Variants in CCPG1 observed in about 807,000 individuals in gnomAD.
CCPG1 encodes cell cycle progression 1, also known as cell cycle progression protein 1.
CCPG1 carries 46 observed loss-of-function variants against 81.3 expected under a neutral mutation model. The ratio of observed to expected loss-of-function variants is 0.57; its 90% CI spans 0.45 to 0.72. The LOEUF (loss-of-function observed/expected upper bound fraction) is 0.72, where lower values mean the gene tolerates loss of function less well. Among genes scored for constraint, CCPG1 ranks in the 30% least tolerant of loss-of-function variants. CCPG1 has a pLI of 0.00. For missense variants in CCPG1, 902 were observed against 937.6 expected (o/e 0.96, Z 0.50); for synonymous variants, 330 against 305.2 (o/e 1.08, Z -0.85).
intron 1 of CCPG1, among the ~76,000 whole-genome samples, chr15:55,402,979 A>G (rs2057154661): frequency 6.6e-6 from 1 of 152,214 alleles, no homozygotes; most frequent in Non-Finnish European, 1.5e-5. Flanking sequence ...TTCAGTCTGG[A>G]AAAAGCCACC....
chr15:55,404,284 G>A (rs942959517), intron 1 of CCPG1, among the ~76,000 whole-genome samples: 1 of 152,102 alleles, frequency 6.6e-6, no homozygotes, highest in Non-Finnish European at 1.5e-5. Context: ...TTTATCCAGT[G>A]TTAATGGACA....
At chr15:55,386,613 G>C (rs549671107) in intron 2 of CCPG1, among the ~76,000 whole-genome samples, 1 of 152,238 alleles carries the variant, frequency 6.6e-6, no homozygotes, top group East Asian at 1.9e-4. Context: ...GAAAAAAGTA[G>C]GGCCGGGGCA....
intron 1 of CCPG1, among the ~76,000 whole-genome samples, chr15:55,389,842 G>A (rs2056879222): frequency 6.6e-6 from 1 of 152,220 alleles, no homozygotes; most frequent in Non-Finnish European, 1.5e-5. Context: ...GAAGCACAGG[G>A]AAACTGAAAA....
chr15:55,369,845 G>A (rs1266860601), intron 6 of CCPG1, among the ~76,000 whole-genome samples: 1 of 152,030 alleles, frequency 6.6e-6, no homozygotes, highest in Admixed American at 6.6e-5. Context: ...AAGTTTTAAT[G>A]CAATTTGGAT....
chr15:55,386,444 C>T (rs185787259), intron 2 of CCPG1, among the ~76,000 whole-genome samples: 1 of 152,130 alleles, frequency 6.6e-6, no homozygotes, highest in Admixed American at 6.6e-5. Flanking sequence ...GCGGATCATA[C>T]AATTTTTCTT....
intron 1 of CCPG1, 45 bp from the exon 2 acceptor site, chr15:55,389,478 A>T: frequency 1.5e-6 from 2 of 1,356,598 alleles, no homozygotes; most frequent in South Asian, 1.2e-5. Context: ...CATTTTTTTT[A>T]ATTCTATAGG....
At chr15:55,362,650 A>G in intron 7 of CCPG1, among the ~76,000 whole-genome samples, 1 of 152,208 alleles carries the variant, frequency 6.6e-6, no homozygotes, top group Non-Finnish European at 1.5e-5. Flanking sequence ...TATGATGTTG[A>G]CATAAGTGAT....
chr15:55,379,594 G>T (rs982869402), intron 3 of CCPG1, among the ~76,000 whole-genome samples: 4 of 152,010 alleles, frequency 2.6e-5, no homozygotes, highest in Admixed American at 2.6e-4. Flanking sequence ...GACTTTGGTA[G>T]GCCAATGTGT....
At chr15:55,361,399 T>C (rs2056192005) in intron 7 of CCPG1, among the ~76,000 whole-genome samples, 2 of 151,542 alleles carry the variant, frequency 1.3e-5, no homozygotes, top group African/African-American at 4.9e-5. Context: ...GGAAAAGAGA[T>C]TACCTTTTAT....
intron 8 of CCPG1, chr15:55,358,909 T>C (rs1184106210): frequency 1.0e-6 from 1 of 961,794 alleles, no homozygotes; most frequent in Non-Finnish European, 1.2e-6. Context: ...AAGCTAACAT[T>C]TGAAGATTAG....
intron 5 of CCPG1, 136 bp from the exon 6 acceptor site, chr15:55,372,180 A>T: frequency 1.3e-6 from 1 of 776,886 alleles, no homozygotes. Context: ...ACCAAACAAC[A>T]TAAACAAAAA....
intron 1 of CCPG1, 90 bp from the exon 2 acceptor site, chr15:55,389,523 T>C (rs890788127): frequency 5.8e-6 from 5 of 859,778 alleles, no homozygotes; most frequent in Non-Finnish European, 5.8e-6. Context: ...TGAAAAGTGG[T>C]TTACTGTCTT....
At chr15:55,368,011 C>A (rs1209654517) in intron 6 of CCPG1, among the ~76,000 whole-genome samples, 2 of 152,052 alleles carry the variant, frequency 1.3e-5, no homozygotes, top group Non-Finnish European at 2.9e-5. Flanking sequence ...TCAAACTTTC[C>A]TATCTAGATT....
chr15:55,380,916 C>A (rs1449615159), intron 3 of CCPG1, among the ~76,000 whole-genome samples: 1 of 151,066 alleles, frequency 6.6e-6, no homozygotes, highest in African/African-American at 2.4e-5. Context: ...GGCGGACAGA[C>A]CACGAGGTCA....
chr15:55,369,331 T>C (rs1393955542), intron 6 of CCPG1, among the ~76,000 whole-genome samples: 1 of 151,874 alleles, frequency 6.6e-6, no homozygotes, highest in Non-Finnish European at 1.5e-5. Context: ...AGGTCAGGAG[T>C]TCGAGACCAG....
intron 1 of CCPG1, among the ~76,000 whole-genome samples, chr15:55,392,976 C>T (rs1457411499): frequency 6.6e-6 from 1 of 152,120 alleles, no homozygotes; most frequent in Non-Finnish European, 1.5e-5. Context: ...TGGTGGCAAG[C>T]ACCTGTAATC....
At chr15:55,378,600 T>C (rs868461512) in intron 3 of CCPG1, among the ~76,000 whole-genome samples, 1 of 144,270 alleles carries the variant, frequency 6.9e-6, no homozygotes, top group Non-Finnish European at 1.6e-5. Flanking sequence ...AATGCAATCA[T>C]TTAAGATTTT....
intron 2 of CCPG1, among the ~76,000 whole-genome samples, chr15:55,387,460 A>G (rs1054563052): frequency 6.6e-6 from 1 of 152,236 alleles, no homozygotes; most frequent in Admixed American, 6.5e-5. Context: ...AATGCAGAAA[A>G]GGCAATCTTG....
intron 7 of CCPG1, among the ~76,000 whole-genome samples, chr15:55,363,064 C>T (rs1262834407): frequency 6.7e-6 from 1 of 148,606 alleles, no homozygotes; most frequent in Non-Finnish European, 1.5e-5. Context: ...ACAAAAAAAA[C>T]AGGCCAGGCG....
Sources: gnomAD v4.1 joint callset for allele counts (sites outside exome capture counted in the v4.1 genomes callset) on GRCh38, gnomAD v4.1.1 for gene constraint, MANE v1.5 for transcripts, NCBI Gene and HGNC (gene_info 2026-07-23, HGNC 2026-07-21) for gene names.